The following PASD1 variants were observed in gnomAD, a reference collection of about 807,000 sequenced individuals.
PASD1 encodes circadian clock protein PASD1.
A neutral mutation model predicts 58.8 loss-of-function variants in PASD1; 13 were observed. That is an observed-to-expected ratio of 0.22 (90% confidence interval 0.14 to 0.35). PASD1 has a LOEUF of 0.35. PASD1 is among the 10% of genes least tolerant of loss of function. PASD1 has a pLI of 1.00. For missense variants in PASD1, 734 were observed against 568.3 expected (o/e 1.29, Z -2.96); for synonymous variants, 236 against 216.7 (o/e 1.09, Z -0.78).
chrX:151,623,843 G>A (rs1264713083), intron 7 of PASD1, among the ~76,000 whole-genome samples: 1 of 111,563 alleles, frequency 9.0e-6, no homozygotes, highest in Non-Finnish European at 1.9e-5. Flanking sequence ...AAGACCTAAG[G>A]TAGTAACTAG....
At chrX:151,610,228 T>A in intron 3 of PASD1, among the ~76,000 whole-genome samples, 1 of 111,794 alleles carries the variant, frequency 8.9e-6, no homozygotes, top group East Asian at 2.8e-4. Flanking sequence ...GAATTTATCT[T>A]ATTTTTCCAT....
At position 151,621,475 on chromosome X, in the gene PASD1, T is replaced by G; in HGVS notation, c.308-7T>G. 1 of 1,165,191 alleles carries G rather than the reference T, an allele frequency of 8.6e-7. No individual in the cohort carries two copies. ...GACTTGTTTTGTATTTCTTCTCTTT[T>G]TACTAGAAACACATATTGAATTTTG... On this transcript the variant is annotated splice_polypyrimidine_tract_variant and splice_region_variant and intron_variant, in intron 5 of 15. Transcript: ENST00000370357.
chrX:151,613,935 A>C (rs1425825609), intron 4 of PASD1, among the ~76,000 whole-genome samples: 1 of 111,173 alleles, frequency 9.0e-6, no homozygotes, highest in Non-Finnish European at 1.9e-5. Context: ...TCTCTGCTTC[A>C]TAGACATCCT....
rs201416080 is a variant in PASD1 at position 151,671,033 on chromosome X, C to T, written c.1072-5C>T. ...ACATGAACCATAAGTAATTCCTCCC[C>T]ACAGCCATTACAGCCATCATCACCA... On this transcript the variant is annotated splice_region_variant and splice_polypyrimidine_tract_variant and intron_variant, in intron 11 of 15. Coordinates refer to ENST00000370357, the MANE Select transcript of PASD1 (RefSeq NM_173493.3). 1.4e-4 allele frequency: 170 copies of T among 1,206,611 alleles called. No homozygotes were observed. In the East Asian group the frequency reaches 4.3e-3, roughly 31 times the overall value.
At chrX:151,576,026 A>ATT (rs5904322) in intron 1 of PASD1, among the ~76,000 whole-genome samples, 42,532 of 94,810 alleles carry the variant, frequency 0.45, 8,731 homozygotes, top group East Asian at 0.94. Context: ...ACCATACCTA[A>ATT]TTTTTTTTTT....
chrX:151,569,785 A>G (rs1331554616), intron 1 of PASD1, among the ~76,000 whole-genome samples: 1 of 110,827 alleles, frequency 9.0e-6, no homozygotes, highest in African/African-American at 3.3e-5. Flanking sequence ...GGCATCAGGT[A>G]GCCAAGAGTC....
intron 8 of PASD1, among the ~76,000 whole-genome samples, chrX:151,631,517 T>C (rs1414558551): frequency 1.8e-5 from 2 of 112,197 alleles, no homozygotes; most frequent in Non-Finnish European, 3.8e-5. Flanking sequence ...TAATACTTTT[T>C]ACAAAGATGG....
At chrX:151,619,014 A>G (rs2013671829) in intron 4 of PASD1, among the ~76,000 whole-genome samples, 1 of 111,718 alleles carries the variant, frequency 9.0e-6, no homozygotes, top group Non-Finnish European at 1.9e-5. Flanking sequence ...TTTGGAAAGA[A>G]TCATGCTGGC....
chrX:151,605,043 T>C (rs977043910), intron 3 of PASD1, among the ~76,000 whole-genome samples: 3 of 111,953 alleles, frequency 2.7e-5, no homozygotes, highest in Non-Finnish European at 3.8e-5. Flanking sequence ...GTAGACTAGT[T>C]CAACATAGAT....
chrX:151,587,493 C>T (rs181887865), intron 1 of PASD1, among the ~76,000 whole-genome samples: 315 of 111,675 alleles, frequency 2.8e-3, no homozygotes, highest in Middle Eastern at 0.014. Flanking sequence ...TCAGAATGCA[C>T]CTCAGCTTTG....
At chrX:151,601,065 A>G (rs1376648739) in intron 1 of PASD1, among the ~76,000 whole-genome samples, 4 of 112,162 alleles carry the variant, frequency 3.6e-5, no homozygotes, top group Admixed American at 1.9e-4. Flanking sequence ...CAATAATGCA[A>G]ATTTTTCCCT....
intron 15 of PASD1, 98 bp from the exon 16 acceptor site, chrX:151,675,899 C>A: frequency 2.2e-6 from 2 of 908,227 alleles, no homozygotes; most frequent in Non-Finnish European, 3.1e-6. Context: ...TATTTCTCAG[C>A]AGCTTGTGTA....
chrX:151,599,888 T>C (rs370566886), intron 1 of PASD1, among the ~76,000 whole-genome samples: 6 of 111,736 alleles, frequency 5.4e-5, no homozygotes, highest in Admixed American at 4.7e-4. Flanking sequence ...GCTGCAATCT[T>C]GGCACTTTGG....
Position 151,581,986 on chromosome X carries a change from C to CTTTT in PASD1, c.-28+18162_-28+18165dup, listed in dbSNP as rs72381794. ...CTTGAATCTTTTTTTTTTCTTTTTC[C>CTTTT]TTTTTTTTTTTTTTTTTTGAGAAGG... is the stretch of plus-strand genomic sequence containing the variant. On this transcript the variant is annotated intron_variant, in intron 1 of 15. Transcript: ENST00000370357. 1.8e-3 allele frequency among the ~76,000 whole-genome samples: 132 copies of CTTTT among 74,285 alleles called. 4 individuals are homozygous for CTTTT. Among genetic ancestry groups the CTTTT allele is most frequent in the African/African-American group, 5.9e-3 (110 of 18,574 alleles). The allele number at this position is 74,285 out of a possible 115,157, so 64.5% of individuals were successfully genotyped here.
intron 1 of PASD1, among the ~76,000 whole-genome samples, chrX:151,590,171 G>A (rs1399553266): frequency 8.9e-6 from 1 of 111,848 alleles, no homozygotes; most frequent in African/African-American, 3.3e-5. Flanking sequence ...TGAAAATGAA[G>A]AATGCCACAA....
intron 13 of PASD1, 149 bp downstream of exon 13, chrX:151,671,928 G>A: frequency 1.4e-6 from 1 of 728,640 alleles, no homozygotes; most frequent in Non-Finnish European, 2.0e-6. Flanking sequence ...GGGCTACCTA[G>A]ACCTGAATGC....
At chrX:151,642,188 A>T (rs1340657739) in intron 8 of PASD1, among the ~76,000 whole-genome samples, 1 of 111,879 alleles carries the variant, frequency 8.9e-6, no homozygotes, top group Admixed American at 9.5e-5. Context: ...CCAAGTGAGA[A>T]CGCAATGGGC....
chrX:151,602,697 AAATAATAAT>A (rs753023498), intron 2 of PASD1, among the ~76,000 whole-genome samples: 1,146 of 103,010 alleles, frequency 0.011, 9 homozygotes, highest in Middle Eastern at 0.045. Flanking sequence ...CTCCATCTCA[AAATAATAAT>A]AATAATAAGA....
intron 1 of PASD1, among the ~76,000 whole-genome samples, chrX:151,600,228 T>C (rs59321216): frequency 0.034 from 3,717 of 107,744 alleles, 122 homozygotes; most frequent in African/African-American, 0.096. Flanking sequence ...AGTCCAGCCT[T>C]AGCTCGGCAT....
Sources: allele counts gnomAD v4.1 joint callset (sites outside exome capture counted in the v4.1 genomes callset), GRCh38; gene constraint gnomAD v4.1.1; transcripts MANE v1.5; gene names NCBI Gene and HGNC (gene_info 2026-07-23, HGNC 2026-07-21).